PKP2: variants seen among roughly 807,000 people sequenced by gnomAD.
PKP2 encodes the protein plakophilin 2, also known as plakophilin-2.
Under a neutral mutation model 83.4 loss-of-function variants are expected in PKP2, and 73 were observed. That is an observed-to-expected ratio of 0.88 (90% CI 0.72 to 1.06). The LOEUF (loss-of-function observed/expected upper bound fraction) is 1.06. Ranked by LOEUF, PKP2 falls within the 50% of genes least tolerant of loss-of-function variation. The pLI, the probability that PKP2 is intolerant of heterozygous loss-of-function variation, is 0.00. For missense variants in PKP2, 966 were observed against 1,065.4 expected (o/e 0.91, Z 1.30); for synonymous variants, 409 against 430.4 (o/e 0.95, Z 0.62).
chr12:32,823,404 G>T (rs1393962955), intron 7 of PKP2, among the ~76,000 whole-genome samples: 1 of 121,024 alleles, frequency 8.3e-6, no homozygotes, highest in African/African-American at 3.3e-5. Flanking sequence ...GCTGGGTGAT[G>T]AAGCTAGACT....
intron 9 of PKP2, among the ~76,000 whole-genome samples, chr12:32,806,503 G>C (rs1202210275): frequency 6.6e-6 from 1 of 152,162 alleles, no homozygotes; most frequent in African/African-American, 2.4e-5. Context: ...TATGTGCATA[G>C]AGGTATTCAT....
chr12:32,821,581 T>C, intron 8 of PKP2, 52 bp from the exon 9 acceptor site: 3 of 1,559,814 alleles, frequency 1.9e-6, no homozygotes, highest in Non-Finnish European at 1.8e-6. Context: ...GTGATGGCTA[T>C]AATTTCACAC....
At chr12:32,839,220 A>T (rs1158945599) in intron 6 of PKP2, among the ~76,000 whole-genome samples, 1 of 151,954 alleles carries the variant, frequency 6.6e-6, no homozygotes, top group Non-Finnish European at 1.5e-5. Context: ...TCTTATGGTA[A>T]CAGATTTTGC....
At position 32,791,716 on chromosome 12, in the gene PKP2, T is replaced by C. The variant is rs1284002967; in HGVS notation, c.*708A>G. ...TTGCCTTTCTCTGTGGAAAAGATTT[T>C]ATTTATTTATTTATTTTTTATTTTA... is the stretch of plus-strand genomic sequence containing the variant. On this transcript the variant is annotated 3_prime_UTR_variant, in exon 13 of 13. Coordinates refer to ENST00000340811, the MANE Select transcript of PKP2 (RefSeq NM_001005242.3). The C allele has an allele frequency of 2.0e-5, 3 of 152,190 alleles. No individual in the cohort carries two copies. The highest frequency in any genetic ancestry group is 4.4e-5 in the Non-Finnish European group (3 of 68,048). The allele number at this position is 152,190 out of a possible 1,614,324, so 9.4% of individuals were successfully genotyped here.
chr12:32,792,249 G>A lies in PKP2; in HGVS notation c.*175C>T. 1 of 661,528 alleles carries A rather than the reference G, an allele frequency of 1.5e-6. No homozygotes were observed. Among genetic ancestry groups the A allele is most frequent in the South Asian group, 1.7e-5 (1 of 58,172 alleles). The allele number at this position is 661,528 out of a possible 1,614,324, so 41.0% of individuals were successfully genotyped here. On this transcript the variant is annotated 3_prime_UTR_variant, in exon 13 of 13. Transcript: ENST00000340811. ...TATCTACTGGTGGCAAACTTGCAAA[G>A]GTCTTCTGGAAGACTCATAAAATTA... is the stretch of plus-strand genomic sequence containing the variant.
chr12:32,795,650 G>A (rs555299648), intron 11 of PKP2, among the ~76,000 whole-genome samples: 52 of 152,192 alleles, frequency 3.4e-4, no homozygotes, highest in African/African-American at 1.2e-3. Flanking sequence ...CAAAGTGCTG[G>A]GATTACAGGC....
intron 10 of PKP2, among the ~76,000 whole-genome samples, chr12:32,797,769 G>A (rs1956141887): frequency 6.6e-6 from 1 of 151,824 alleles, no homozygotes; most frequent in African/African-American, 2.4e-5. Flanking sequence ...TGTTAGCCAG[G>A]ATGATCTTGA....
chr12:32,798,234 A>G (rs1283360180), intron 10 of PKP2, among the ~76,000 whole-genome samples: 1 of 150,682 alleles, frequency 6.6e-6, no homozygotes, highest in Non-Finnish European at 1.5e-5. Flanking sequence ...ACAGGTACGC[A>G]CCACCATGCC....
At chr12:32,858,772 T>C (rs1245513051) in intron 4 of PKP2, among the ~76,000 whole-genome samples, 1 of 152,090 alleles carries the variant, frequency 6.6e-6, no homozygotes. Context: ...AAGAGATATA[T>C]CTTAGTAGAA....
chr12:32,811,112 T>C (rs962830967), intron 9 of PKP2, among the ~76,000 whole-genome samples: 19 of 152,224 alleles, frequency 1.2e-4, no homozygotes, highest in Middle Eastern at 3.2e-3. Flanking sequence ...TGGTACCAAA[T>C]GTTTGTGAAA....
At chr12:32,896,397 T>A in intron 1 of PKP2, 112 bp downstream of exon 1, 1 of 756,234 alleles carries the variant, frequency 1.3e-6, no homozygotes, top group Non-Finnish European at 2.0e-6. Flanking sequence ...GAGCAACAGG[T>A]GGGCAGAACA....
chr12:32,872,987 G>GT (rs1956906763), intron 3 of PKP2, among the ~76,000 whole-genome samples: 1 of 152,130 alleles, frequency 6.6e-6, no homozygotes, highest in Non-Finnish European at 1.5e-5. Flanking sequence ...AATATGATCT[G>GT]TTTTCTGCTC....
At chr12:32,796,596 T>G (rs1956127749) in intron 10 of PKP2, among the ~76,000 whole-genome samples, 1 of 152,108 alleles carries the variant, frequency 6.6e-6, no homozygotes. Flanking sequence ...AGACGGAGTT[T>G]CACCGTGTTA....
At chr12:32,884,963 A>G (rs113867373) in intron 1 of PKP2, among the ~76,000 whole-genome samples, 4,328 of 152,274 alleles carry the variant, frequency 0.028, 74 homozygotes, top group Middle Eastern at 0.12. Flanking sequence ...ATTTACTAGG[A>G]AATATTTCAA....
chr12:32,819,993 A>G (rs932530837), intron 9 of PKP2: 1 of 152,088 alleles, frequency 6.6e-6, no homozygotes, highest in African/African-American at 2.4e-5. Flanking sequence ...TAGCATAGGA[A>G]AATGGGGAAT....
chr12:32,850,930 T>G lies in PKP2; in HGVS notation c.1214A>C (p.Lys405Thr). ...TCGCTGAACGTCTTCATTCTGAACT[T>G]TTAGGAGCTGCAGAAGCTTGAGGAT... ...RGILKLLQLL[K>T]VQNEDVQRAV... Residue 405 changes from lysine (K) to threonine (T), a missense_variant, in exon 5 of 13, where the codon AAA (lysine) becomes ACA (threonine). By Grantham distance (78) the Lys-to-Thr change is moderately conservative. Transcript: ENST00000340811. 2 of 1,614,078 alleles carry G rather than the reference T, an allele frequency of 1.2e-6. No individual in the cohort carries two copies. Among genetic ancestry groups the G allele is most frequent in the South Asian group, 2.2e-5 (2 of 91,080 alleles).
chr12:32,883,809 C>A (rs1467186106), intron 1 of PKP2, among the ~76,000 whole-genome samples: 1 of 152,090 alleles, frequency 6.6e-6, no homozygotes, highest in Non-Finnish European at 1.5e-5. Context: ...AGAGGGTTTA[C>A]CTGAGAAAGC....
At chr12:32,861,851 C>G (rs1231305008) in intron 4 of PKP2, among the ~76,000 whole-genome samples, 1 of 152,180 alleles carries the variant, frequency 6.6e-6, no homozygotes, top group African/African-American at 2.4e-5. Context: ...GATTTCTTAT[C>G]TAAAACAATG....
intron 6 of PKP2, among the ~76,000 whole-genome samples, chr12:32,827,637 T>C (rs561650587): frequency 1.3e-5 from 2 of 152,318 alleles, no homozygotes; most frequent in South Asian, 4.1e-4. Flanking sequence ...TATTTATTGA[T>C]TGGTTTCCCA....
Sources: gnomAD v4.1 joint callset for allele counts (sites outside exome capture counted in the v4.1 genomes callset) on GRCh38, gnomAD v4.1.1 for gene constraint, MANE v1.5 for transcripts, NCBI Gene and HGNC (gene_info 2026-07-23, HGNC 2026-07-21) for gene names.